Variants in ADGRL3 observed in about 807,000 individuals in gnomAD.
ADGRL3 encodes calcium-independent alpha-latrotoxin receptor 3.
In ADGRL3, 62 loss-of-function variants were observed where a neutral mutation model predicts 153.5. The ratio of observed to expected loss-of-function variants is 0.40; its 90% CI spans 0.33 to 0.50. The LOEUF is 0.50. Among genes scored for constraint, ADGRL3 ranks in the 20% least tolerant of loss-of-function variants. The pLI is 0.47. For missense variants in ADGRL3, 1,641 were observed against 1,859.4 expected (o/e 0.88, Z 2.16); for synonymous variants, 710 against 672.5 (o/e 1.06, Z -0.86).
chr4:61,493,723 C>T (rs962037264), intron 2 of ADGRL3, among the ~76,000 whole-genome samples: 1 of 152,192 alleles, frequency 6.6e-6, no homozygotes, highest in African/African-American at 2.4e-5. Flanking sequence ...CTCCACTCTT[C>T]ACAATCAAAT....
intron 1 of ADGRL3, among the ~76,000 whole-genome samples, chr4:61,339,889 G>A (rs1170029623): frequency 6.6e-6 from 1 of 152,118 alleles, no homozygotes; most frequent in Non-Finnish European, 1.5e-5. Context: ...CTGCCAGCTG[G>A]CATATTTCTA....
chr4:61,606,323 T>C (rs2099032236), intron 5 of ADGRL3, among the ~76,000 whole-genome samples: 1 of 152,192 alleles, frequency 6.6e-6, no homozygotes, highest in African/African-American at 2.4e-5. Context: ...GTCAAGAGCA[T>C]TGGATTTTCT....
At chr4:61,711,293 C>T (rs1001671471) in intron 6 of ADGRL3, among the ~76,000 whole-genome samples, 1 of 151,356 alleles carries the variant, frequency 6.6e-6, no homozygotes, top group African/African-American at 2.4e-5. Context: ...TCTCACTGCA[C>T]TAGTTATAAA....
chr4:61,348,820 A>C (rs1009459678), intron 1 of ADGRL3, among the ~76,000 whole-genome samples: 5 of 152,006 alleles, frequency 3.3e-5, no homozygotes, highest in African/African-American at 1.2e-4. Flanking sequence ...TAATATTTTA[A>C]ATAAATTATT....
chr4:61,684,479 A>C (rs192909770), intron 6 of ADGRL3, among the ~76,000 whole-genome samples: 1 of 152,210 alleles, frequency 6.6e-6, no homozygotes, highest in East Asian at 1.9e-4. Context: ...GACTTCATGA[A>C]ATCCAGTAGT....
At chr4:61,900,614 G>A (rs935800908) in intron 11 of ADGRL3, among the ~76,000 whole-genome samples, 12 of 152,038 alleles carry the variant, frequency 7.9e-5, no homozygotes, top group African/African-American at 2.9e-4. Context: ...CTTTACTCCA[G>A]CAATGAGATA....
At chr4:61,957,196 T>C (rs2098970459) in intron 17 of ADGRL3, among the ~76,000 whole-genome samples, 1 of 152,180 alleles carries the variant, frequency 6.6e-6, no homozygotes, top group Non-Finnish European at 1.5e-5. Context: ...TTTGTTTATG[T>C]CCTCTCTTAT....
intron 2 of ADGRL3, among the ~76,000 whole-genome samples, chr4:61,432,229 C>T (rs1362290935): frequency 6.6e-6 from 1 of 152,146 alleles, no homozygotes; most frequent in African/African-American, 2.4e-5. Flanking sequence ...TCTTTAAAAT[C>T]AAGTTAGTTA....
In ADGRL3 at chr4:61,937,221, A is replaced by G. The variant is rs1041572641; in HGVS notation, c.2419+1176A>G. Among the ~76,000 whole-genome samples the G allele has an allele frequency of 3.3e-5, 5 of 151,950 alleles. 1 individual carries two copies. Among genetic ancestry groups the G allele is most frequent in the South Asian group, 2.1e-4 (1 of 4,824 alleles). The stretch of plus-strand genomic sequence containing the variant: ...ATCTGACCAGTTGACCTCCAATTAC[A>G]CTTAGAATGAAATCTCATGACTTAA... On this transcript the variant is annotated intron_variant, in intron 15 of 26. Coordinates refer to ENST00000683033, the MANE Select transcript of ADGRL3 (RefSeq NM_001387552.1).
intron 1 of ADGRL3, among the ~76,000 whole-genome samples, chr4:61,302,973 T>C (rs766200188): frequency 2.6e-4 from 39 of 152,150 alleles, no homozygotes; most frequent in Non-Finnish European, 4.6e-4. Flanking sequence ...GCTTCAAATA[T>C]ATTAGGACTT....
chr4:61,503,751 G>A (rs1419657550), intron 3 of ADGRL3, among the ~76,000 whole-genome samples: 1 of 151,830 alleles, frequency 6.6e-6, no homozygotes, highest in African/African-American at 2.4e-5. Context: ...TATTTTTTAT[G>A]AATACATAAT....
At chr4:61,624,085 C>T (rs555807064) in intron 5 of ADGRL3, among the ~76,000 whole-genome samples, 1 of 152,230 alleles carries the variant, frequency 6.6e-6, no homozygotes, top group East Asian at 1.9e-4. Context: ...TGCATGACAA[C>T]ATTTTGGCTT....
At chr4:61,565,813 C>T (rs1281400612) in intron 4 of ADGRL3, among the ~76,000 whole-genome samples, 1 of 152,190 alleles carries the variant, frequency 6.6e-6, no homozygotes, top group African/African-American at 2.4e-5. Flanking sequence ...GCTGGGATTA[C>T]AGGCATGAGC....
intron 6 of ADGRL3, among the ~76,000 whole-genome samples, chr4:61,727,219 A>G (rs1365017783): frequency 1.3e-5 from 2 of 152,090 alleles, no homozygotes; most frequent in Non-Finnish European, 2.9e-5. Context: ...ATTTTTACCT[A>G]TTTCTTTCTT....
chr4:61,862,480 C>A (rs2098352333), intron 9 of ADGRL3, among the ~76,000 whole-genome samples: 1 of 152,110 alleles, frequency 6.6e-6, no homozygotes, highest in Non-Finnish European at 1.5e-5. Context: ...GGAGATGGGA[C>A]CGGGATATTA....
intron 9 of ADGRL3, among the ~76,000 whole-genome samples, chr4:61,879,997 A>G (rs1249147882): frequency 6.6e-6 from 1 of 152,166 alleles, no homozygotes; most frequent in African/African-American, 2.4e-5. Context: ...AATTCTTGAG[A>G]TTATAGGCAT....
intron 1 of ADGRL3, among the ~76,000 whole-genome samples, chr4:61,261,680 A>G (rs1004618328): frequency 6.6e-6 from 1 of 152,160 alleles, no homozygotes; most frequent in Non-Finnish European, 1.5e-5. Context: ...AAAGAGACAA[A>G]TGATTAAAGA....
At chr4:61,973,286 G>T (rs897611538) in intron 17 of ADGRL3, among the ~76,000 whole-genome samples, 2 of 151,844 alleles carry the variant, frequency 1.3e-5, no homozygotes, top group African/African-American at 4.8e-5. Flanking sequence ...GTACCTCATG[G>T]TATATTTGAG....
intron 6 of ADGRL3, among the ~76,000 whole-genome samples, chr4:61,725,257 T>G (rs1028161217): frequency 3.3e-5 from 5 of 152,102 alleles, no homozygotes; most frequent in African/African-American, 1.2e-4. Context: ...CATAGAGCCA[T>G]GGTATTTGTG....
Sources: allele counts gnomAD v4.1 joint callset (sites outside exome capture counted in the v4.1 genomes callset), GRCh38; gene constraint gnomAD v4.1.1; transcripts MANE v1.5; gene names NCBI Gene and HGNC (gene_info 2026-07-23, HGNC 2026-07-21).